Variants in CMSS1 observed in about 807,000 individuals in gnomAD.
The protein encoded by CMSS1 is cms1 ribosomal small subunit homolog.
A neutral mutation model predicts 43.5 loss-of-function variants in CMSS1; 33 were observed. The observed-to-expected ratio is 0.76, with a 90% CI of 0.57 to 1.01. CMSS1 has a LOEUF of 1.01. Ranked by LOEUF, CMSS1 falls within the 50% of genes least tolerant of loss-of-function variation. The pLI is 0.00. For synonymous variants in CMSS1, 115 were observed against 117.2 expected, an observed-to-expected ratio of 0.98 and a Z score of 0.12; for missense variants, 313 against 326.4, an observed-to-expected ratio of 0.96 and a Z score of 0.32.
chr3:99,986,830 C>T (rs1479742658), intron 1 of CMSS1, among the ~76,000 whole-genome samples: 1 of 152,132 alleles, frequency 6.6e-6, no homozygotes, highest in Non-Finnish European at 1.5e-5. Flanking sequence ...GTACAGAGGA[C>T]AACCCTCCAC....
intron 1 of CMSS1, among the ~76,000 whole-genome samples, chr3:100,138,192 C>T (rs1336040711): frequency 1.3e-5 from 2 of 152,186 alleles, no homozygotes; most frequent in South Asian, 4.1e-4. Flanking sequence ...AAAATTAACT[C>T]AAGATAGATT....
chr3:100,104,075 CTT>C (rs1241867901), intron 1 of CMSS1, among the ~76,000 whole-genome samples: 1 of 152,180 alleles, frequency 6.6e-6, no homozygotes. Flanking sequence ...GGAGAGGTGA[CTT>C]TTCATTTCTC....
At chr3:99,957,881 T>G (rs1436519408) in intron 1 of CMSS1, among the ~76,000 whole-genome samples, 1 of 150,892 alleles carries the variant, frequency 6.6e-6, no homozygotes, top group Non-Finnish European at 1.5e-5. Context: ...AGCTGAAATG[T>G]CATTTTTTAG....
intron 2 of CMSS1, among the ~76,000 whole-genome samples, chr3:100,147,401 G>T (rs2066863128): frequency 6.7e-6 from 1 of 149,568 alleles, no homozygotes; most frequent in Non-Finnish European, 1.5e-5. Flanking sequence ...CTCCCAAGTA[G>T]CTGGGATACC....
At chr3:99,927,249 A>G (rs948024664) in intron 1 of CMSS1, among the ~76,000 whole-genome samples, 3 of 152,222 alleles carry the variant, frequency 2.0e-5, no homozygotes, top group African/African-American at 7.2e-5. Flanking sequence ...TAAATTTAAA[A>G]GCTTAATTAT....
At chr3:99,912,918 G>A (rs1211950942) in intron 1 of CMSS1, among the ~76,000 whole-genome samples, 1 of 152,126 alleles carries the variant, frequency 6.6e-6, no homozygotes, top group Non-Finnish European at 1.5e-5. Context: ...GAATATTTGT[G>A]TCCCCCCAAA....
rs1167611836 is a variant in CMSS1 at position 99,850,595 on chromosome 3, C to T, written c.64+32552C>T. 3.7e-6 allele frequency: 6 copies of T among 1,613,706 alleles called. No individual in the cohort carries two copies. Among genetic ancestry groups the T allele is most frequent in the Non-Finnish European group, 5.1e-6 (6 of 1,180,026 alleles). ...ATGATACCAGCGTTTCCATATTCTC[C>T]CTTACTGATTTTTTCTTTTATATCT... On this transcript the variant is annotated intron_variant, in intron 1 of 9. Coordinates refer to ENST00000421999, the MANE Select transcript of CMSS1 (RefSeq NM_032359.4).
At chr3:99,894,691 A>G (rs1051241264) in intron 1 of CMSS1, among the ~76,000 whole-genome samples, 4 of 152,214 alleles carry the variant, frequency 2.6e-5, no homozygotes, top group Non-Finnish European at 5.9e-5. Context: ...ATTATTAATT[A>G]TGGAGTTGAT....
chr3:99,937,320 A>C (rs1412561580), intron 1 of CMSS1, among the ~76,000 whole-genome samples: 1 of 152,242 alleles, frequency 6.6e-6, no homozygotes, highest in African/African-American at 2.4e-5. Flanking sequence ...AGTAACATAA[A>C]TTCACAAACC....
chr3:99,991,862 G>GTA (rs778476697), intron 1 of CMSS1, among the ~76,000 whole-genome samples: 114 of 147,594 alleles, frequency 7.7e-4, no homozygotes, highest in African/African-American at 2.6e-3. Context: ...GTGTGTATGT[G>GTA]TATATATATA....
chr3:100,012,761 C>CTTTTT (rs35737304), intron 1 of CMSS1, among the ~76,000 whole-genome samples: 1 of 93,612 alleles, frequency 1.1e-5, no homozygotes, highest in Non-Finnish European at 2.3e-5. Context: ...GAAGCATATT[C>CTTTTT]TTTTTTTTTT....
At chr3:99,843,535 G>A (rs1236972417) in intron 1 of CMSS1, among the ~76,000 whole-genome samples, 1 of 152,144 alleles carries the variant, frequency 6.6e-6, no homozygotes, top group African/African-American at 2.4e-5. Context: ...GATGCTTTTT[G>A]ACTTATGATG....
In CMSS1 at chr3:100,125,885, GCAAGATGT is replaced by G. The variant is rs1559765607; in HGVS notation, c.65-21087_65-21080del. 2.0e-5 allele frequency among the ~76,000 whole-genome samples: 3 copies of G among 152,164 alleles called. No individual in the cohort carries two copies. In the East Asian group the frequency reaches 5.8e-4, roughly 29 times the overall value. On this transcript the variant is annotated intron_variant, in intron 1 of 9. Transcript: ENST00000421999. Reference sequence around the variant, plus strand: ...ACTCTAGCCCTAGGGCATGAATGCAGCAAGATGTACAACAGAGAAAATGGTGCTCTGGA... The same window carrying G: ...ACTCTAGCCCTAGGGCATGAATGCAGACAACAGAGAAAATGGTGCTCTGGA...
chr3:99,863,345 A>T (rs1006908797), intron 1 of CMSS1, among the ~76,000 whole-genome samples: 2 of 152,140 alleles, frequency 1.3e-5, no homozygotes, highest in African/African-American at 4.8e-5. Context: ...TGACCCGGTA[A>T]TAGGCCTCAA....
At chr3:100,097,555 T>C (rs1173369443) in intron 1 of CMSS1, among the ~76,000 whole-genome samples, 4 of 152,214 alleles carry the variant, frequency 2.6e-5, no homozygotes, top group Admixed American at 1.3e-4. Context: ...GAGCATTTTG[T>C]AGTTTTCAGT....
intron 1 of CMSS1, among the ~76,000 whole-genome samples, chr3:100,087,832 CTTTTTT>C (rs755041519): frequency 8.8e-6 from 1 of 114,122 alleles, no homozygotes; most frequent in East Asian, 2.4e-4. Flanking sequence ...ATTGTTTCAA[CTTTTTT>C]TTTTTTTTTT....
At chr3:100,126,399 T>C (rs1437923612) in intron 1 of CMSS1, among the ~76,000 whole-genome samples, 1 of 152,218 alleles carries the variant, frequency 6.6e-6, no homozygotes, top group Non-Finnish European at 1.5e-5. Context: ...TCTTGAGTAA[T>C]TGATTGTTTT....
chr3:99,848,805 T>C (rs548117414), intron 1 of CMSS1: 2 of 1,614,180 alleles, frequency 1.2e-6, no homozygotes, highest in South Asian at 1.1e-5. Flanking sequence ...TTTTGGACTT[T>C]ACTGGTGTTA....
chr3:100,059,482 G>GT (rs2107339897), intron 1 of CMSS1, among the ~76,000 whole-genome samples: 1 of 152,200 alleles, frequency 6.6e-6, no homozygotes, highest in Non-Finnish European at 1.5e-5. Context: ...TTTAGCACCT[G>GT]TTATTAAATA....
Sources: gnomAD v4.1 joint callset for allele counts (sites outside exome capture counted in the v4.1 genomes callset) on GRCh38, gnomAD v4.1.1 for gene constraint, MANE v1.5 for transcripts, NCBI Gene and HGNC (gene_info 2026-07-23, HGNC 2026-07-21) for gene names.